Variants in NALF1 observed in about 807,000 individuals in gnomAD.
The protein encoded by NALF1 is NALCN channel auxiliary factor 1.
In NALF1, 3 loss-of-function variants were observed where a neutral mutation model predicts 48.4. That is an observed-to-expected ratio of 0.06 (90% CI 0.03 to 0.16). The LOEUF (loss-of-function observed/expected upper bound fraction) is 0.16. NALF1 is among the 10% of genes least tolerant of loss of function. The probability of loss-of-function intolerance (pLI) is 1.00; values close to 1 mark genes in which losing one functional copy is unlikely to be tolerated. For synonymous variants in NALF1, 262 were observed against 245.7 expected (o/e 1.07, Z -0.62); for missense variants, 526 against 571.5 (o/e 0.92, Z 0.81).
intron 1 of NALF1, among the ~76,000 whole-genome samples, chr13:107,586,704 G>A (rs1380144223): frequency 1.6e-5 from 2 of 124,674 alleles, no homozygotes; most frequent in Admixed American, 2.0e-4. Flanking sequence ...CAAATGTAAG[G>A]AATATTGTCT....
chr13:107,579,947 GTA>G (rs1566401673), intron 1 of NALF1, among the ~76,000 whole-genome samples: 2 of 151,760 alleles, frequency 1.3e-5, no homozygotes, highest in Non-Finnish European at 2.9e-5. Context: ...CCATTACTGG[GTA>G]TATACCCAAA....
At chr13:107,291,402 C>T (rs1881617195) in intron 1 of NALF1, among the ~76,000 whole-genome samples, 1 of 151,864 alleles carries the variant, frequency 6.6e-6, no homozygotes, top group African/African-American at 2.4e-5. Flanking sequence ...CACACCAGAC[C>T]TCACGTGATG....
At chr13:107,210,161 A>C (rs761847282) in intron 2 of NALF1, among the ~76,000 whole-genome samples, 8 of 152,224 alleles carry the variant, frequency 5.3e-5, no homozygotes, top group Non-Finnish European at 8.8e-5. Flanking sequence ...TTCTCAGAAA[A>C]TAAAATAAAA....
chr13:107,330,276 T>C (rs1262900828), intron 1 of NALF1, among the ~76,000 whole-genome samples: 1 of 152,204 alleles, frequency 6.6e-6, no homozygotes, highest in Non-Finnish European at 1.5e-5. Context: ...ATTTGAAACG[T>C]TGTCTACTTG....
chr13:107,786,141 G>C (rs1222538666), intron 1 of NALF1, among the ~76,000 whole-genome samples: 2 of 152,144 alleles, frequency 1.3e-5, no homozygotes, highest in Non-Finnish European at 2.9e-5. Flanking sequence ...TAATGGGCAG[G>C]GTGAGGTGCT....
chr13:107,436,279 T>C (rs1246578832), intron 1 of NALF1, among the ~76,000 whole-genome samples: 1 of 152,094 alleles, frequency 6.6e-6, no homozygotes, highest in Non-Finnish European at 1.5e-5. Flanking sequence ...ATAAAGGAAG[T>C]AAACAATTTA....
chr13:107,845,842 G>A (rs1880157531), intron 1 of NALF1, among the ~76,000 whole-genome samples: 1 of 152,072 alleles, frequency 6.6e-6, no homozygotes, highest in Non-Finnish European at 1.5e-5. Context: ...CCAAAAGAAT[G>A]CCACTACTAA....
At chr13:107,725,647 T>C (rs924807012) in intron 1 of NALF1, among the ~76,000 whole-genome samples, 18 of 149,798 alleles carry the variant, frequency 1.2e-4, no homozygotes, top group African/African-American at 4.0e-4. Flanking sequence ...ATCACGCCAG[T>C]GCACTCTAGC....
At chr13:107,367,912 T>C (rs1337715392) in intron 1 of NALF1, among the ~76,000 whole-genome samples, 1 of 152,196 alleles carries the variant, frequency 6.6e-6, no homozygotes, top group Non-Finnish European at 1.5e-5. Flanking sequence ...AAGGGACATC[T>C]TTCTGAAGAT....
intron 1 of NALF1, among the ~76,000 whole-genome samples, chr13:107,446,158 C>T (rs950361005): frequency 5.3e-5 from 8 of 152,222 alleles, no homozygotes; most frequent in African/African-American, 1.7e-4. Context: ...AGGATGGTCT[C>T]GATCTCTTGA....
chr13:107,223,193 G>A (rs896930029), intron 1 of NALF1, among the ~76,000 whole-genome samples: 2 of 152,116 alleles, frequency 1.3e-5, no homozygotes, highest in Non-Finnish European at 2.9e-5. Flanking sequence ...ATATGTAAAT[G>A]CTCATACTAA....
intron 1 of NALF1, among the ~76,000 whole-genome samples, chr13:107,287,133 T>C (rs1477564479): frequency 1.3e-5 from 2 of 152,220 alleles, no homozygotes; most frequent in Non-Finnish European, 2.9e-5. Context: ...AATAATTTCC[T>C]TGCTGCAGAA....
chr13:107,502,980 T>C (rs1875569015), intron 1 of NALF1, among the ~76,000 whole-genome samples: 1 of 152,188 alleles, frequency 6.6e-6, no homozygotes, highest in African/African-American at 2.4e-5. Context: ...GTTAGTTAAC[T>C]TCAGCTTTGA....
In NALF1 at chr13:107,860,508, A is replaced by T. The variant is rs562720944; in HGVS notation, c.915+5174T>A. ...GACACCGGCAGGACGATAAAATCAG[A>T]ATCTCTTAGGGTTGGGATGCCCTGG... On this transcript the variant is annotated intron_variant, in intron 1 of 2. Transcript: ENST00000375915. Among the ~76,000 whole-genome samples, 3 of 152,286 alleles carry T rather than the reference A, an allele frequency of 2.0e-5. No homozygotes were observed. In the East Asian group the frequency reaches 5.8e-4, roughly 29 times the overall value.
intron 1 of NALF1, among the ~76,000 whole-genome samples, chr13:107,776,826 C>T (rs2138574819): frequency 6.6e-6 from 1 of 152,306 alleles, no homozygotes; most frequent in Non-Finnish European, 1.5e-5. Flanking sequence ...CATGTTGGCT[C>T]ATGCCTGCAA....
At chr13:107,271,193 C>T (rs989376356) in intron 1 of NALF1, among the ~76,000 whole-genome samples, 6 of 152,244 alleles carry the variant, frequency 3.9e-5, no homozygotes, top group Admixed American at 1.3e-4. Context: ...AAAAAGGAAT[C>T]GTGCAGCTGT....
chr13:107,212,122 C>T (rs901690864), intron 1 of NALF1, among the ~76,000 whole-genome samples: 3 of 152,056 alleles, frequency 2.0e-5, no homozygotes, highest in African/African-American at 7.2e-5. Flanking sequence ...TTCCATGCCC[C>T]GGGTCAATAT....
At chr13:107,602,150 A>G (rs1217708804) in intron 1 of NALF1, among the ~76,000 whole-genome samples, 5 of 152,182 alleles carry the variant, frequency 3.3e-5, no homozygotes, top group Admixed American at 3.3e-4. Context: ...TTAAACTCCT[A>G]CGGCTTTAAT....
chr13:107,740,632 T>A (rs1876604183), intron 1 of NALF1, among the ~76,000 whole-genome samples: 1 of 152,236 alleles, frequency 6.6e-6, no homozygotes, highest in African/African-American at 2.4e-5. Flanking sequence ...TCAAACATTT[T>A]TCCATAAATC....
Sources: gnomAD v4.1 joint callset for allele counts (sites outside exome capture counted in the v4.1 genomes callset) on GRCh38, gnomAD v4.1.1 for gene constraint, MANE v1.5 for transcripts, NCBI Gene and HGNC (gene_info 2026-07-23, HGNC 2026-07-21) for gene names.